Variants in PCDHGB1 observed in about 807,000 individuals in gnomAD.
PCDHGB1 encodes protocadherin gamma-B1.
PCDHGB1 carries 34 observed loss-of-function variants against 56.6 expected under a neutral mutation model. The ratio of observed to expected loss-of-function variants is 0.60; its 90% CI spans 0.46 to 0.80. The LOEUF (loss-of-function observed/expected upper bound fraction) is 0.80, where lower values mean the gene tolerates loss of function less well. Ranked by LOEUF, PCDHGB1 falls within the 30% of genes least tolerant of loss-of-function variation. The pLI is 0.00. For missense variants in PCDHGB1, 1,278 were observed against 1,204.6 expected (o/e 1.06, Z -0.90); for synonymous variants, 561 against 505.9 (o/e 1.11, Z -1.46).
intron 1 of PCDHGB1, chr5:141,384,872 T>C (rs773444317): frequency 1.9e-6 from 3 of 1,613,766 alleles, no homozygotes; most frequent in Non-Finnish European, 1.7e-6. Flanking sequence ...TCAGCCACCG[T>C]CACACTCACC....
At chr5:141,398,506 A>G (rs2093664607) in intron 1 of PCDHGB1, 1 of 1,601,998 alleles carries the variant, frequency 6.2e-7, no homozygotes, top group South Asian at 1.1e-5. Context: ...CGAGGACATT[A>G]ATGACCACAC....
chr5:141,373,366 A>T (rs1309577062), intron 1 of PCDHGB1, among the ~76,000 whole-genome samples: 1 of 152,214 alleles, frequency 6.6e-6, no homozygotes, highest in Non-Finnish European at 1.5e-5. Context: ...ACTGTAATGA[A>T]TTGGTTCAAA....
At chr5:141,385,224 T>G (rs751833387) in intron 1 of PCDHGB1, 2 of 1,614,206 alleles carry the variant, frequency 1.2e-6, no homozygotes, top group Non-Finnish European at 1.7e-6. Flanking sequence ...AGCCCAACTA[T>G]GTAGACATGC....
At chr5:141,365,845 A>T in intron 1 of PCDHGB1, 2 of 1,613,920 alleles carry the variant, frequency 1.2e-6, no homozygotes, top group Non-Finnish European at 1.7e-6. Flanking sequence ...CCTCCTATGT[A>T]TCCATTAACT....
chr5:141,371,080 G>C (rs1409150939), intron 1 of PCDHGB1: 1 of 1,613,876 alleles, frequency 6.2e-7, no homozygotes, highest in East Asian at 2.2e-5. Context: ...ACCCAGATCA[G>C]GGTAATTGTC....
intron 1 of PCDHGB1, among the ~76,000 whole-genome samples, chr5:141,401,638 TA>T (rs2094176765): frequency 1.3e-5 from 2 of 152,242 alleles, no homozygotes; most frequent in South Asian, 4.1e-4. Context: ...TTTGGAGCTT[TA>T]AATATAAATG....
intron 1 of PCDHGB1, among the ~76,000 whole-genome samples, chr5:141,424,979 T>G (rs565208060): frequency 1.4e-4 from 22 of 152,322 alleles, no homozygotes; most frequent in African/African-American, 4.6e-4. Flanking sequence ...CTTGGATATT[T>G]ATGTTCCCTT....
At chr5:141,404,446 G>A (rs1211285523) in intron 1 of PCDHGB1, 2 of 1,612,974 alleles carry the variant, frequency 1.2e-6, no homozygotes, top group East Asian at 2.2e-5. Context: ...CCATCCAAGG[G>A]TCTCCTCTCT....
At chr5:141,355,502 A>C in intron 1 of PCDHGB1, 1 of 1,614,064 alleles carries the variant, frequency 6.2e-7, no homozygotes, top group Non-Finnish European at 8.5e-7. Flanking sequence ...AGATCTCCAA[A>C]CTGTGTGACA....
At position 141,477,626 on chromosome 5, in the gene PCDHGB1, G is replaced by A. The variant is rs201987467; in HGVS notation, c.2410-17181G>A. The A allele has an allele frequency of 1.9e-5, 31 of 1,614,052 alleles. No individual in the cohort carries two copies. The highest frequency in any genetic ancestry group is 2.5e-5 in the Non-Finnish European group (30 of 1,180,044). Reference sequence around the variant, plus strand: ...TCTCTTGGAGCAAGGAGCTGAAACCGGGCTAGTGGGTCGCTATTTCACAAT... The same window carrying A: ...TCTCTTGGAGCAAGGAGCTGAAACCAGGCTAGTGGGTCGCTATTTCACAAT... On this transcript the variant is annotated intron_variant, in intron 1 of 3. Transcript: ENST00000523390. This position sits in a 1 kb window ranked among gnomAD's most constrained non-coding sequence, Gnocchi z 4.9.
At chr5:141,383,534 T>C in intron 1 of PCDHGB1, 6 of 1,612,436 alleles carry the variant, frequency 3.7e-6, no homozygotes, top group Non-Finnish European at 5.1e-6. Context: ...CACCTGGTCC[T>C]CACAGCCTCT....
chr5:141,386,950 A>G (rs538175836), intron 1 of PCDHGB1, among the ~76,000 whole-genome samples: 1 of 152,246 alleles, frequency 6.6e-6, no homozygotes, highest in African/African-American at 2.4e-5. Flanking sequence ...GCAGTGCTTC[A>G]GTGCAGCAGA....
intron 1 of PCDHGB1, among the ~76,000 whole-genome samples, chr5:141,450,313 T>G (rs2098676929): frequency 6.6e-6 from 1 of 152,172 alleles, no homozygotes; most frequent in Middle Eastern, 3.4e-3. Context: ...ATGTGTGGCC[T>G]AGTTGCCATG....
intron 1 of PCDHGB1, chr5:141,364,256 A>G (rs949451057): frequency 6.7e-6 from 10 of 1,494,914 alleles, no homozygotes; most frequent in Non-Finnish European, 8.9e-6. Flanking sequence ...GGGAATATGT[A>G]CCCATCGGCT....
chr5:141,498,994 AAGG>A (rs1310594976), intron 2 of PCDHGB1, among the ~76,000 whole-genome samples: 4 of 148,560 alleles, frequency 2.7e-5, no homozygotes, highest in Non-Finnish European at 4.5e-5. Flanking sequence ...GGAAGGAAGG[AAGG>A]AAGGAAGGAA....
chr5:141,421,888 C>T (rs1387624358), intron 1 of PCDHGB1: 5 of 1,613,746 alleles, frequency 3.1e-6, no homozygotes. Flanking sequence ...TGGAGGCGAT[C>T]CCATCCGAAA....
intron 1 of PCDHGB1, chr5:141,399,082 G>A: frequency 6.2e-7 from 1 of 1,613,822 alleles, no homozygotes; most frequent in East Asian, 2.2e-5. Flanking sequence ...AGAAGGGAGG[G>A]ATGGTGGTGG....
rs200601557 is a variant in PCDHGB1, at chr5:141,432,538, G to A, written c.2410-62269G>A. 5.0e-6 allele frequency: 8 copies of A among 1,613,908 alleles called. No homozygotes were observed. The highest frequency in any genetic ancestry group is 1.7e-5 in the Admixed American group (1 of 60,012). On this transcript the variant is annotated intron_variant, in intron 1 of 3. Coordinates refer to ENST00000523390, the MANE Select transcript of PCDHGB1 (RefSeq NM_018922.3). The surrounding 1 kb of genome is among the most constrained non-coding windows in gnomAD (Gnocchi z 6.0). ...GCTACCTGGTGACCAAGGTGGTGGCGGTGGACAGAGACTCCGGCCAGAACG... is the reference window on the plus strand; with the variant it reads ...GCTACCTGGTGACCAAGGTGGTGGCAGTGGACAGAGACTCCGGCCAGAACG...
In PCDHGB1 at chr5:141,432,212, G is replaced by T. The variant is rs2097468822; in HGVS notation, c.2410-62595G>T. 8 of 1,614,184 alleles carry T rather than the reference G, an allele frequency of 5.0e-6. No homozygotes were observed. In the East Asian group the frequency reaches 1.3e-4, roughly 27 times the overall value. ...CCACGACCCCGACTGTGAAGAGAAC[G>T]CCCAGATCACTTATTCCCTGGCTGA... On this transcript the variant is annotated intron_variant, in intron 1 of 3. Transcript: ENST00000523390. The surrounding 1 kb of genome is among the most constrained non-coding windows in gnomAD (Gnocchi z 6.0).
Sources: gnomAD v4.1 joint callset for allele counts (sites outside exome capture counted in the v4.1 genomes callset) on GRCh38, gnomAD v4.1.1 for gene constraint, Gnocchi (gnomAD v3.1) non-coding constraint, MANE v1.5 for transcripts, NCBI Gene and HGNC (gene_info 2026-07-23, HGNC 2026-07-21) for gene names.